The following CD99L2 variants were observed in gnomAD, a reference collection of about 807,000 sequenced individuals.
CD99L2 encodes CD99 antigen-like protein 2.
CD99L2 carries 24 observed loss-of-function variants against 27.3 expected under a neutral mutation model. The ratio of observed to expected loss-of-function variants is 0.88; its 90% CI spans 0.64 to 1.24. The LOEUF is 1.24. CD99L2 is among the 50% of genes most tolerant of loss of function. The pLI is 0.00. For synonymous variants in CD99L2, 97 were observed against 87.9 expected (o/e 1.10, Z -0.58); for missense variants, 255 against 221.6 (o/e 1.15, Z -0.96).
chrX:150,838,927 G>GC (rs1391526354), intron 1 of CD99L2, among the ~76,000 whole-genome samples: 49 of 87,292 alleles, frequency 5.6e-4, no homozygotes, highest in African/African-American at 2.0e-3. Context: ...ATGGGGGGGG[G>GC]GGTGTAAATA....
intron 2 of CD99L2, among the ~76,000 whole-genome samples, chrX:150,824,354 GGAAGAAGGAAGAAGAAGAAGAAGAAGAAA>G: frequency 1.2e-5 from 1 of 85,019 alleles, no homozygotes; most frequent in Non-Finnish European, 2.3e-5. Context: ...GAAGGAAGAA[GGAAGAAGGAAGAAGAAGAAGAAGAAGAAA>G]GAAGAAGAAG....
intron 1 of CD99L2, among the ~76,000 whole-genome samples, chrX:150,887,156 A>AC (rs2047424844): frequency 9.5e-6 from 1 of 105,470 alleles, no homozygotes; most frequent in African/African-American, 3.5e-5. Flanking sequence ...AAAAAAAAAA[A>AC]CAATGAAGGC....
intron 1 of CD99L2, among the ~76,000 whole-genome samples, chrX:150,856,143 G>A (rs782241943): frequency 1.8e-5 from 2 of 112,927 alleles, no homozygotes; most frequent in South Asian, 3.6e-4. Context: ...TGGGTCTGAA[G>A]CGTCCTTCTT....
intron 1 of CD99L2, among the ~76,000 whole-genome samples, chrX:150,890,045 C>T (rs1487902111): frequency 1.8e-5 from 2 of 109,746 alleles, no homozygotes. Flanking sequence ...CCCAGCTACT[C>T]GGGAGGCTGA....
intron 7 of CD99L2, among the ~76,000 whole-genome samples, chrX:150,791,630 G>A (rs1232842698): frequency 9.0e-6 from 1 of 111,444 alleles, no homozygotes; most frequent in Non-Finnish European, 1.9e-5. Context: ...GGGCCATGAG[G>A]AGTTGAAACA....
intron 1 of CD99L2, among the ~76,000 whole-genome samples, chrX:150,842,311 T>C (rs1557421373): frequency 8.9e-6 from 1 of 112,069 alleles, no homozygotes. Flanking sequence ...GGAGTAGATT[T>C]TGTCCCTTTG....
intron 1 of CD99L2, among the ~76,000 whole-genome samples, chrX:150,862,575 T>C (rs2046994877): frequency 8.9e-6 from 1 of 112,349 alleles, no homozygotes; most frequent in Admixed American, 9.4e-5. Flanking sequence ...ACCTCCAGAA[T>C]GCAAGCGAAT....
At chrX:150,779,040 G>T (rs1398266214) in intron 7 of CD99L2, among the ~76,000 whole-genome samples, 1 of 111,405 alleles carries the variant, frequency 9.0e-6, no homozygotes, top group African/African-American at 3.3e-5. Context: ...TCTGGACTCT[G>T]AGTAATTCAA....
At chrX:150,873,344 G>A (rs1378973509) in intron 1 of CD99L2, among the ~76,000 whole-genome samples, 3 of 112,126 alleles carry the variant, frequency 2.7e-5, no homozygotes, top group African/African-American at 9.7e-5. Flanking sequence ...CCACTTACAA[G>A]AAATGTCCAG....
At position 150,801,894 on chromosome X, in the gene CD99L2, G is replaced by A. The variant is rs183874273; in HGVS notation, c.278-6408C>T. Among the ~76,000 whole-genome samples the A allele has an allele frequency of 3.3e-3, 371 of 111,428 alleles. 5 individuals are homozygous for A. Among genetic ancestry groups the A allele is most frequent in the African/African-American group, 0.011 (352 of 30,609 alleles). ...ACTTTCAGCAAATTAGAAATAAAGG[G>A]GAACTATCTCAACTTCATAAAGAAC... is the stretch of plus-strand genomic sequence containing the variant. On this transcript the variant is annotated intron_variant, in intron 4 of 10. Coordinates refer to ENST00000370377, the MANE Select transcript of CD99L2 (RefSeq NM_031462.4).
At chrX:150,897,528 T>C (rs1557423114) in intron 1 of CD99L2, among the ~76,000 whole-genome samples, 1 of 95,433 alleles carries the variant, frequency 1.0e-5, no homozygotes, top group African/African-American at 3.8e-5. Flanking sequence ...TAGGACAAAG[T>C]GTGTGTGTGT....
intron 1 of CD99L2, among the ~76,000 whole-genome samples, chrX:150,857,424 C>T (rs1311169941): frequency 9.1e-6 from 1 of 109,881 alleles, no homozygotes; most frequent in Non-Finnish European, 1.9e-5. Flanking sequence ...AGTAAAATTA[C>T]AGGCCAGGAG....
At chrX:150,837,757 G>C (rs1387225500) in intron 1 of CD99L2, among the ~76,000 whole-genome samples, 1 of 112,205 alleles carries the variant, frequency 8.9e-6, no homozygotes, top group Non-Finnish European at 1.9e-5. Flanking sequence ...CATGCTGAAT[G>C]AATAAGTGAT....
chrX:150,898,093 T>A (rs948458992), intron 1 of CD99L2, among the ~76,000 whole-genome samples: 42 of 70,377 alleles, frequency 6.0e-4, no homozygotes, highest in African/African-American at 1.8e-3. Flanking sequence ...CCCGCTGTGA[T>A]CCCGATGAAA....
chrX:150,855,511 T>C (rs67238372), intron 1 of CD99L2, among the ~76,000 whole-genome samples: 20,310 of 109,838 alleles, frequency 0.18, 1,461 homozygotes, highest in African/African-American at 0.25. Flanking sequence ...TTTTAAACCA[T>C]GAGATCTCGT....
intron 1 of CD99L2, among the ~76,000 whole-genome samples, chrX:150,881,866 G>T (rs1175811236): frequency 3.9e-5 from 4 of 101,564 alleles, no homozygotes; most frequent in African/African-American, 1.5e-4. Context: ...TGCCCAGGCT[G>T]GAGTGCAATG....
At chrX:150,826,042 A>C (rs1481429913) in intron 2 of CD99L2, among the ~76,000 whole-genome samples, 1 of 111,432 alleles carries the variant, frequency 9.0e-6, no homozygotes, top group Non-Finnish European at 1.9e-5. Context: ...TAGGTCACAA[A>C]GGGCACCGTT....
At chrX:150,862,127 T>C (rs1390350367) in intron 1 of CD99L2, among the ~76,000 whole-genome samples, 2 of 111,762 alleles carry the variant, frequency 1.8e-5, no homozygotes, top group African/African-American at 6.5e-5. Context: ...CTTATTATGT[T>C]TATATTTAAA....
intron 1 of CD99L2, among the ~76,000 whole-genome samples, chrX:150,891,730 A>C (rs2047514981): frequency 9.0e-6 from 1 of 111,425 alleles, no homozygotes; most frequent in Middle Eastern, 4.6e-3. Context: ...ATGTGCCTAC[A>C]TGAAAGATTT....
Sources: allele counts gnomAD v4.1 joint callset (sites outside exome capture counted in the v4.1 genomes callset), GRCh38; gene constraint gnomAD v4.1.1; transcripts MANE v1.5; gene names NCBI Gene and HGNC (gene_info 2026-07-23, HGNC 2026-07-21).